MFSD11: variants seen among roughly 807,000 people sequenced by gnomAD.
The protein encoded by MFSD11 is UNC93-like protein MFSD11.
A neutral mutation model predicts 53.5 loss-of-function variants in MFSD11; 36 were observed. The observed-to-expected ratio is 0.67, with a 90% confidence interval of 0.52 to 0.89. The LOEUF is 0.89. MFSD11 is among the 40% of genes least tolerant of loss of function. The probability of loss-of-function intolerance (pLI) is 0.00; values close to 1 mark genes in which losing one functional copy is unlikely to be tolerated. For missense variants in MFSD11, 530 were observed against 543.9 expected, an observed-to-expected ratio of 0.97 and a Z score of 0.25; for synonymous variants, 186 against 184.9, an observed-to-expected ratio of 1.01 and a Z score of -0.05.
At chr17:76,777,724 C>T (rs1275845291) in intron 12 of MFSD11, among the ~76,000 whole-genome samples, 1 of 152,114 alleles carries the variant, frequency 6.6e-6, no homozygotes, top group African/African-American at 2.4e-5. Flanking sequence ...CTCTATGGCT[C>T]TGATTAGAGA....
downstream of MFSD11, among the ~76,000 whole-genome samples, chr17:76,780,137 G>A (rs2082122075): frequency 6.6e-6 from 1 of 151,992 alleles, no homozygotes; most frequent in Admixed American, 6.6e-5. Flanking sequence ...CCATTTTAAA[G>A]TGTACATTCA....
At chr17:76,755,908 C>T (rs1488963743) in intron 8 of MFSD11, among the ~76,000 whole-genome samples, 4 of 143,998 alleles carry the variant, frequency 2.8e-5, no homozygotes, top group Non-Finnish European at 6.0e-5. Flanking sequence ...ACCACAACCT[C>T]CACCTCCTGG....
intron 10 of MFSD11, among the ~76,000 whole-genome samples, chr17:76,771,586 C>T (rs1312906934): frequency 3.3e-5 from 5 of 152,184 alleles, no homozygotes; most frequent in Non-Finnish European, 4.4e-5. Context: ...ATGGGTAAAG[C>T]GGACTTTGGA....
At position 76,738,124 on chromosome 17, in the gene MFSD11, C is replaced by T; in HGVS notation, c.-229C>T. ...TTGGCGCTTCTCCGGGGGTTGTGCTCTTCCGTACTCGGATCGCTTCTTAGG... is the reference window on the plus strand; with the variant it reads ...TTGGCGCTTCTCCGGGGGTTGTGCTTTTCCGTACTCGGATCGCTTCTTAGG... On this transcript the variant is annotated 5_prime_UTR_variant, in exon 1 of 13. Transcript: ENST00000685175. The T allele has an allele frequency of 5.6e-6, 3 of 538,392 alleles. No homozygotes were observed. Among genetic ancestry groups the T allele is most frequent in the South Asian group, 2.8e-5 (1 of 36,040 alleles). The allele number at this position is 538,392 out of a possible 1,614,324, so 33.4% of individuals were successfully genotyped here.
At chr17:76,766,725 A>G (rs569438489) in intron 8 of MFSD11, among the ~76,000 whole-genome samples, 1 of 152,288 alleles carries the variant, frequency 6.6e-6, no homozygotes, top group African/African-American at 2.4e-5. Context: ...ATCCACTGTT[A>G]GTTTTGTGTA....
Position 76,738,326 on chromosome 17 carries a change from T to C in MFSD11, c.-27T>C, listed in dbSNP as rs375810121. On this transcript the variant is annotated 5_prime_UTR_variant, in exon 1 of 13. Transcript: ENST00000685175. Reference sequence around the variant, plus strand: ...CCGAGGAGAGCTGACTGCCCTGGGCTGCTGCCTCCGGCAGAGCTGAGCCAA... The same window carrying C: ...CCGAGGAGAGCTGACTGCCCTGGGCCGCTGCCTCCGGCAGAGCTGAGCCAA... 15 of 1,542,956 alleles carry C rather than the reference T, an allele frequency of 9.7e-6. No homozygotes were observed. In the Admixed American group the frequency reaches 1.2e-4, roughly 12 times the overall value.
chr17:76,741,138 A>G (rs2078047248), intron 3 of MFSD11, 74 bp downstream of exon 3: 1 of 975,404 alleles, frequency 1.0e-6, no homozygotes, highest in Non-Finnish European at 1.7e-6. Flanking sequence ...TAAACTTCAC[A>G]ATAATTTATA....
downstream of MFSD11, among the ~76,000 whole-genome samples, chr17:76,785,504 A>AT (rs1270584189): frequency 6.6e-6 from 1 of 151,208 alleles, no homozygotes; most frequent in African/African-American, 2.4e-5. Context: ...CACTCAGGTA[A>AT]TTTTTTTGTA....
the MFSD11 span, among the ~76,000 whole-genome samples, chr17:76,800,548 A>G: frequency 6.6e-6 from 1 of 152,168 alleles, no homozygotes; most frequent in Non-Finnish European, 1.5e-5. Context: ...TGCTGCTATT[A>G]ATCTTTTTTT....
intron 8 of MFSD11, among the ~76,000 whole-genome samples, chr17:76,758,102 T>A (rs918688146): frequency 2.0e-5 from 3 of 151,878 alleles, no homozygotes; most frequent in African/African-American, 7.3e-5. Flanking sequence ...AACATCAGAA[T>A]AGCAAGACCA....
rs1016155708 is a variant in MFSD11, at chr17:76,753,908, G to A, written c.642-139G>A. ...GCCATGAGGGACACCCTGAGGCAAG[G>A]AGCATTCGAGTCACTGGGAATGCAT... On this transcript the variant is annotated intron_variant, in intron 7 of 12. Coordinates refer to ENST00000685175, the MANE Select transcript of MFSD11 (RefSeq NM_001242532.5). The A allele has an allele frequency of 7.3e-5, 46 of 634,352 alleles. No individual in the cohort carries two copies. In the South Asian group the frequency reaches 7.7e-4, roughly 11 times the overall value. 39.3% of individuals were successfully genotyped at this position (634,352 alleles called of 1,614,324 possible).
At chr17:76,803,480 G>T in the MFSD11 span, among the ~76,000 whole-genome samples, 1 of 152,164 alleles carries the variant, frequency 6.6e-6, no homozygotes, top group Non-Finnish European at 1.5e-5. Context: ...CATGCAGCTG[G>T]AGGATACAAG....
At chr17:76,792,798 A>G in the MFSD11 span, among the ~76,000 whole-genome samples, 37 of 151,562 alleles carry the variant, frequency 2.4e-4, 2 homozygotes, top group African/African-American at 6.8e-4. Flanking sequence ...CCTGCCCCCA[A>G]TAGTCATGTA....
chr17:76,768,331 T>G (rs1014685959), intron 9 of MFSD11, among the ~76,000 whole-genome samples: 1 of 151,852 alleles, frequency 6.6e-6, no homozygotes, highest in Admixed American at 6.6e-5. Context: ...AAAAGTCATT[T>G]CTAATGAAAT....
At chr17:76,745,353 T>G (rs965101203) in intron 7 of MFSD11, 3 of 152,264 alleles carry the variant, frequency 2.0e-5, no homozygotes, top group African/African-American at 7.2e-5. Context: ...CTGGATATGC[T>G]GCCATGCCCT....
In MFSD11 at chr17:76,744,429, G is replaced by C; in HGVS notation, c.604G>C (p.Asp202His). The change falls in exon 7 of 13, where the codon GAT (aspartate) becomes CAT (histidine). Residue 202 changes from aspartate (D) to histidine (H), a missense_variant. Transcript: ENST00000685175. ...KPDSENVLGEDESSDDQDMEV... is the reference protein window; with the variant it reads ...KPDSENVLGEHESSDDQDMEV... ...AGATTCTGAAAATGTCCTAGGAGAA[G>C]ATGAGTCTTCTGATGACCAGGACAT... 1 of 1,614,056 alleles carries C rather than the reference G, an allele frequency of 6.2e-7. No homozygotes were observed. The highest frequency in any genetic ancestry group is 8.5e-7 in the Non-Finnish European group (1 of 1,179,970).
chr17:76,757,498 TATTA>T (rs2079771061), intron 8 of MFSD11, among the ~76,000 whole-genome samples: 3 of 152,214 alleles, frequency 2.0e-5, no homozygotes, highest in Admixed American at 2.0e-4. Flanking sequence ...GTGCTTCATT[TATTA>T]ATTAATCATG....
At position 76,738,398 on chromosome 17, in the gene MFSD11, G is replaced by A. The variant is rs746512316; in HGVS notation, c.46G>A (p.Val16Ile). Residue 16 changes from valine (V) to isoleucine (I), a missense_variant, in exon 1 of 13, where the codon GTT becomes ATT. Coordinates refer to ENST00000685175, the MANE Select transcript of MFSD11 (RefSeq NM_001242532.5). ...GCTTTTCAACATCATTATTTTAGGAGTTGCCTTTATGTTTATGTTCACTGC... is the reference window on the plus strand; with the variant it reads ...GCTTTTCAACATCATTATTTTAGGAATTGCCTTTATGTTTATGTTCACTGC... ...KKLFNIIILG[V>I]AFMFMFTAFQ... The A allele has an allele frequency of 1.9e-6, 3 of 1,614,158 alleles. No individual in the cohort carries two copies. Among genetic ancestry groups the A allele is most frequent in the Non-Finnish European group, 2.5e-6 (3 of 1,180,008 alleles).
intron 8 of MFSD11, among the ~76,000 whole-genome samples, chr17:76,763,738 G>C (rs1424756622): frequency 2.0e-5 from 3 of 151,560 alleles, no homozygotes; most frequent in African/African-American, 7.3e-5. Flanking sequence ...CCGTTCTATA[G>C]ATTGACTTTT....
Sources: gnomAD v4.1 joint callset for allele counts (sites outside exome capture counted in the v4.1 genomes callset) on GRCh38, gnomAD v4.1.1 for gene constraint, MANE v1.5 for transcripts, NCBI Gene and HGNC (gene_info 2026-07-23, HGNC 2026-07-21) for gene names.